The following MARCHF1 variants were observed in gnomAD, a reference collection of about 807,000 sequenced individuals.
MARCHF1 encodes the protein E3 ubiquitin-protein ligase MARCHF1.
MARCHF1 carries 40 observed loss-of-function variants against 54.2 expected under a neutral mutation model. The ratio of observed to expected loss-of-function variants is 0.74; its 90% confidence interval spans 0.57 to 0.96. MARCHF1 has a LOEUF of 0.96. MARCHF1 is among the 40% of genes least tolerant of loss of function. MARCHF1 has a pLI of 0.00. For missense variants in MARCHF1, 586 were observed against 656.5 expected, an observed-to-expected ratio of 0.89 and a Z score of 1.17; for synonymous variants, 236 against 236.3, an observed-to-expected ratio of 1.00 and a Z score of 0.01.
chr4:163,659,266 G>C (rs1743258848), intron 5 of MARCHF1, among the ~76,000 whole-genome samples: 1 of 151,902 alleles, frequency 6.6e-6, no homozygotes, highest in African/African-American at 2.4e-5. Flanking sequence ...GTATACATCT[G>C]ATCTTTGACA....
At chr4:164,041,088 C>A (rs1342847589) in intron 2 of MARCHF1, among the ~76,000 whole-genome samples, 1 of 152,076 alleles carries the variant, frequency 6.6e-6, no homozygotes, top group African/African-American at 2.4e-5. Flanking sequence ...TATAACAAAA[C>A]TGTTACCACA....
intron 2 of MARCHF1, among the ~76,000 whole-genome samples, chr4:164,011,602 A>G (rs1753422227): frequency 6.6e-6 from 1 of 152,240 alleles, no homozygotes; most frequent in South Asian, 2.1e-4. Flanking sequence ...ACAATGGCTT[A>G]TATCAAAGAA....
chr4:163,806,945 T>C (rs1748242972), intron 4 of MARCHF1, among the ~76,000 whole-genome samples: 1 of 152,176 alleles, frequency 6.6e-6, no homozygotes, highest in Non-Finnish European at 1.5e-5. Flanking sequence ...AGAAAAAATG[T>C]ACACTTAACA....
intron 5 of MARCHF1, among the ~76,000 whole-genome samples, chr4:163,677,502 G>T (rs904776596): frequency 6.6e-6 from 1 of 152,076 alleles, no homozygotes; most frequent in Non-Finnish European, 1.5e-5. Context: ...CATGTTTAGT[G>T]CTTTTGTAAG....
In MARCHF1 at chr4:164,356,686, C is replaced by T. The variant is rs887638393; in HGVS notation, c.-323+27184G>A. Among the ~76,000 whole-genome samples the T allele has an allele frequency of 6.2e-5, 8 of 128,770 alleles. No homozygotes were observed. In the East Asian group the frequency reaches 7.1e-4, roughly 11 times the overall value. The allele number at this position is 128,770 out of a possible 152,430, so 84.5% of individuals were successfully genotyped here. ...CTAGATGACGAGTTAGTGGGTGCAG[C>T]GCACCAGCATGGCACATGTATACAT... is the stretch of plus-strand genomic sequence containing the variant. On this transcript the variant is annotated intron_variant, in intron 1 of 9. Transcript: ENST00000514618.
Position 163,854,187 on chromosome 4 carries a change from T to G in MARCHF1, c.-38-18A>C. ...CTGAAATTCTGAAAATAATTTACAT[T>G]CCCTGAAACAGGTCACTTATTTTAG... On this transcript the variant is annotated intron_variant, in intron 3 of 9. Transcript: ENST00000514618. The G allele has an allele frequency of 6.8e-7, 1 of 1,475,156 alleles. No homozygotes were observed. The highest frequency in any genetic ancestry group is 2.5e-5 in the East Asian group (1 of 39,578). 91.4% of individuals were successfully genotyped at this position (1,475,156 alleles called of 1,614,324 possible).
chr4:163,550,434 A>G (rs1267545317), intron 8 of MARCHF1, among the ~76,000 whole-genome samples: 1 of 151,810 alleles, frequency 6.6e-6, no homozygotes, highest in African/African-American at 2.4e-5. Flanking sequence ...TAGAGTTTTC[A>G]ATCTATAGAA....
intron 1 of MARCHF1, among the ~76,000 whole-genome samples, chr4:164,358,170 G>T (rs1444886812): frequency 6.6e-6 from 1 of 152,120 alleles, no homozygotes; most frequent in Non-Finnish European, 1.5e-5. Flanking sequence ...ACTTTGTAAA[G>T]CCTCTTCTGC....
chr4:163,818,979 T>A (rs1383044113), intron 4 of MARCHF1, among the ~76,000 whole-genome samples: 1 of 152,098 alleles, frequency 6.6e-6, no homozygotes, highest in Non-Finnish European at 1.5e-5. Context: ...GGTCTTCTTT[T>A]CTAACCCAAA....
Position 163,784,738 on chromosome 4 carries a change from TG to T in MARCHF1, c.111+69282del. Among the ~76,000 whole-genome samples, 8 of 152,290 alleles carry T rather than the reference TG, an allele frequency of 5.3e-5. No homozygotes were observed. In the East Asian group the frequency reaches 1.5e-3, roughly 29 times the overall value. On this transcript the variant is annotated intron_variant, in intron 4 of 9. Coordinates refer to ENST00000514618, the MANE Select transcript of MARCHF1 (RefSeq NM_001394959.1). Reference sequence around the variant, plus strand: ...ACTGCTGAAAACAGTAATCATTAAATGCTTGTAAATGCCTAGCAAACAAAAT... The same window carrying T: ...ACTGCTGAAAACAGTAATCATTAAATCTTGTAAATGCCTAGCAAACAAAAT...
intron 2 of MARCHF1, among the ~76,000 whole-genome samples, chr4:164,040,633 T>C (rs1249912403): frequency 6.6e-6 from 1 of 151,862 alleles, no homozygotes; most frequent in Non-Finnish European, 1.5e-5. Flanking sequence ...AGGATAAATA[T>C]ATTTTAAACG....
rs1745654419 is a variant in MARCHF1 at position 163,726,403 on chromosome 4, T to C, written c.112-25540A>G. Among the ~76,000 whole-genome samples the C allele has an allele frequency of 2.0e-5, 3 of 152,216 alleles. No homozygotes were observed. In the South Asian group the frequency reaches 6.2e-4, roughly 31 times the overall value. ...TTTCAGATTGACTTCTTTCACTTAG[T>C]AATATGCATTTAACTTTTCTACATG... On this transcript the variant is annotated intron_variant, in intron 4 of 9. Coordinates refer to ENST00000514618, the MANE Select transcript of MARCHF1 (RefSeq NM_001394959.1).
intron 5 of MARCHF1, among the ~76,000 whole-genome samples, chr4:163,663,118 C>T (rs1298591597): frequency 6.6e-6 from 1 of 151,948 alleles, no homozygotes; most frequent in Admixed American, 6.6e-5. Flanking sequence ...ACACAGAATT[C>T]AGGCCAAAAT....
intron 1 of MARCHF1, among the ~76,000 whole-genome samples, chr4:164,356,979 G>A (rs1183119434): frequency 6.6e-6 from 1 of 151,742 alleles, no homozygotes; most frequent in Non-Finnish European, 1.5e-5. Context: ...TGGAGGGTAG[G>A]AGGCAGGAGG....
At chr4:163,551,854 T>C (rs887044851) in intron 8 of MARCHF1, among the ~76,000 whole-genome samples, 2 of 152,160 alleles carry the variant, frequency 1.3e-5, no homozygotes, top group Non-Finnish European at 1.5e-5. Flanking sequence ...TCTGCCATGA[T>C]TGTGAGACCT....
chr4:164,002,521 A>G (rs1182911718), intron 2 of MARCHF1, among the ~76,000 whole-genome samples: 3 of 151,582 alleles, frequency 2.0e-5, no homozygotes, highest in African/African-American at 7.2e-5. Context: ...TCCAAACCAT[A>G]GCGCCAAAAA....
chr4:163,581,894 A>G (rs975765321), intron 8 of MARCHF1, among the ~76,000 whole-genome samples: 1 of 152,204 alleles, frequency 6.6e-6, no homozygotes, highest in Admixed American at 6.5e-5. Flanking sequence ...ATCTTATTTT[A>G]TTTGTACAAA....
At chr4:163,547,776 T>C (rs1738958075) in intron 8 of MARCHF1, among the ~76,000 whole-genome samples, 1 of 152,244 alleles carries the variant, frequency 6.6e-6, no homozygotes, top group Admixed American at 6.5e-5. Context: ...CTAGAGCAGT[T>C]TAAACATTTT....
At chr4:164,051,858 A>G (rs755802982) in intron 2 of MARCHF1, among the ~76,000 whole-genome samples, 20 of 152,190 alleles carry the variant, frequency 1.3e-4, no homozygotes, top group Non-Finnish European at 2.6e-4. Context: ...AAAATAATGG[A>G]GAATTTTAGA....
Sources: gnomAD v4.1 joint callset for allele counts (sites outside exome capture counted in the v4.1 genomes callset) on GRCh38, gnomAD v4.1.1 for gene constraint, MANE v1.5 for transcripts, NCBI Gene and HGNC (gene_info 2026-07-23, HGNC 2026-07-21) for gene names.